Variants in DIAPH3 observed in about 807,000 individuals in gnomAD.
DIAPH3 encodes diaphanous related formin 3, also known as protein diaphanous homolog 3.
A neutral mutation model predicts 144.3 loss-of-function variants in DIAPH3; 117 were observed. The ratio of observed to expected loss-of-function variants is 0.81; its 90% CI spans 0.70 to 0.95. The LOEUF (loss-of-function observed/expected upper bound fraction) is 0.95, where lower values mean the gene tolerates loss of function less well. DIAPH3 is among the 40% of genes least tolerant of loss of function. DIAPH3 has a pLI of 0.00. For synonymous variants in DIAPH3, 519 were observed against 488.9 expected (o/e 1.06, Z -0.81); for missense variants, 1,421 against 1,412.7 (o/e 1.01, Z -0.09).
intron 17 of DIAPH3, among the ~76,000 whole-genome samples, chr13:59,939,835 C>CGT (rs3220859): frequency 0.16 from 23,901 of 146,594 alleles, 2,094 homozygotes; most frequent in Middle Eastern, 0.21. Flanking sequence ...GAGAATGAGG[C>CGT]GTGTGTGTGT....
At chr13:60,128,578 C>A (rs2059053304) in intron 2 of DIAPH3, among the ~76,000 whole-genome samples, 4 of 152,172 alleles carry the variant, frequency 2.6e-5, no homozygotes, top group Admixed American at 2.6e-4. Flanking sequence ...ATAACTAACA[C>A]AAAGTCACAC....
intron 27 of DIAPH3, among the ~76,000 whole-genome samples, chr13:59,712,429 C>A (rs2034800546): frequency 6.6e-6 from 1 of 152,196 alleles, no homozygotes; most frequent in South Asian, 2.1e-4. Flanking sequence ...CAATCACATA[C>A]CATGTTCTGT....
intron 5 of DIAPH3, among the ~76,000 whole-genome samples, chr13:60,038,745 C>T (rs956460165): frequency 4.6e-5 from 7 of 151,848 alleles, no homozygotes; most frequent in Non-Finnish European, 1.0e-4. Context: ...AATTTCAAAA[C>T]ACAAAAACCT....
intron 5 of DIAPH3, among the ~76,000 whole-genome samples, chr13:60,023,734 T>C (rs1395286119): frequency 2.0e-5 from 3 of 151,054 alleles, no homozygotes; most frequent in Admixed American, 2.0e-4. Flanking sequence ...GTGCCCAGCC[T>C]AGTTCTCAGG....
chr13:60,111,018 A>G (rs2138059590), intron 3 of DIAPH3, among the ~76,000 whole-genome samples: 1 of 152,322 alleles, frequency 6.6e-6, no homozygotes, highest in Admixed American at 6.5e-5. Flanking sequence ...ACTTACTCAG[A>G]TGGCACCCTC....
At chr13:59,921,599 C>T (rs2047522703) in intron 18 of DIAPH3, among the ~76,000 whole-genome samples, 5 of 151,738 alleles carry the variant, frequency 3.3e-5, no homozygotes, top group Admixed American at 3.3e-4. Flanking sequence ...AGTAGTTTCC[C>T]ACCAAAGAAA....
Position 59,774,721 on chromosome 13 carries a change from G to T in DIAPH3, c.3259+7C>A. Reference sequence around the variant, plus strand: ...AGAAAGTAACATGAAACAAGTATAGGGTTCACCTTTTGGCATCGGTGTCCT... The same window carrying T: ...AGAAAGTAACATGAAACAAGTATAGTGTTCACCTTTTGGCATCGGTGTCCT... On this transcript the variant is annotated splice_region_variant and intron_variant, in intron 26 of 27. Transcript: ENST00000400324. 1 of 1,613,000 alleles carries T rather than the reference G, an allele frequency of 6.2e-7. No homozygotes were observed. The highest frequency in any genetic ancestry group is 8.5e-7 in the Non-Finnish European group (1 of 1,178,986).
intron 1 of DIAPH3, among the ~76,000 whole-genome samples, chr13:60,156,283 A>T (rs1952018345): frequency 6.6e-6 from 1 of 152,234 alleles, no homozygotes; most frequent in Non-Finnish European, 1.5e-5. Context: ...CTCATTTTAA[A>T]ATCCTTAATC....
At chr13:59,997,700 GC>G (rs1292353497) in intron 9 of DIAPH3, among the ~76,000 whole-genome samples, 1 of 151,990 alleles carries the variant, frequency 6.6e-6, no homozygotes, top group Non-Finnish European at 1.5e-5. Context: ...TTTTCCAAAG[GC>G]CGACAGAGCA....
chr13:59,761,359 T>TCC (rs1566272744), intron 27 of DIAPH3, among the ~76,000 whole-genome samples: 1 of 151,874 alleles, frequency 6.6e-6, no homozygotes, highest in African/African-American at 2.4e-5. Flanking sequence ...TCTTGCTTAC[T>TCC]AAGGAGTCAG....
chr13:60,132,407 C>A (rs530331258), intron 2 of DIAPH3, among the ~76,000 whole-genome samples: 1 of 152,188 alleles, frequency 6.6e-6, no homozygotes, highest in East Asian at 1.9e-4. Context: ...CTATTAACCA[C>A]AAGTTACATT....
intron 27 of DIAPH3, among the ~76,000 whole-genome samples, chr13:59,705,477 A>C (rs1292495751): frequency 2.0e-5 from 3 of 152,246 alleles, no homozygotes; most frequent in Non-Finnish European, 4.4e-5. Flanking sequence ...AAACAGTCAG[A>C]AGCCCTTTGG....
At chr13:59,893,691 T>C (rs1249629885) in intron 20 of DIAPH3, among the ~76,000 whole-genome samples, 1 of 152,120 alleles carries the variant, frequency 6.6e-6, no homozygotes, top group African/African-American at 2.4e-5. Flanking sequence ...AAGCCCTCTA[T>C]GTTGCAGATT....
At chr13:60,113,892 A>G (rs1276565946) in intron 2 of DIAPH3, among the ~76,000 whole-genome samples, 1 of 151,928 alleles carries the variant, frequency 6.6e-6, no homozygotes, top group Non-Finnish European at 1.5e-5. Flanking sequence ...CCCACCTACC[A>G]ACTCTTTCCC....
At chr13:59,795,945 G>C (rs559626410) in intron 25 of DIAPH3, among the ~76,000 whole-genome samples, 55 of 152,294 alleles carry the variant, frequency 3.6e-4, no homozygotes, top group Admixed American at 5.9e-4. Context: ...GGGGGTAAGT[G>C]CATCAATAAG....
intron 25 of DIAPH3, among the ~76,000 whole-genome samples, chr13:59,789,705 G>T (rs946419717): frequency 2.6e-5 from 4 of 152,094 alleles, no homozygotes; most frequent in African/African-American, 7.2e-5. Flanking sequence ...GCAGCATATG[G>T]TGCGCACTGG....
intron 27 of DIAPH3, among the ~76,000 whole-genome samples, chr13:59,678,305 A>G (rs538673244): frequency 3.0e-4 from 46 of 152,098 alleles, no homozygotes; most frequent in Non-Finnish European, 5.1e-4. Flanking sequence ...AGTTTCATGT[A>G]TTTCTAGAAA....
intron 17 of DIAPH3, among the ~76,000 whole-genome samples, chr13:59,942,399 G>A (rs2048580614): frequency 6.6e-6 from 1 of 152,028 alleles, no homozygotes; most frequent in Non-Finnish European, 1.5e-5. Flanking sequence ...CTAAGGCAAA[G>A]TTGCCTTTTT....
In DIAPH3 at chr13:59,839,351, C is replaced by A. The variant is rs2042214000; in HGVS notation, c.2835G>T (p.Leu945Phe). Residue 945 changes from leucine (L) to phenylalanine (F), a missense_variant, in exon 23 of 28, where the codon TTG (leucine) becomes TTT (phenylalanine). Coordinates refer to ENST00000400324, the MANE Select transcript of DIAPH3 (RefSeq NM_001042517.2). ...ACATCTTTGTCACAAACTTGTCATG[C>A]AAGTCCTCAGGAGGGGGAAAGGTTT... ...ELETFPPPED[L>F]HDKFVTKMSR... 3 of 1,613,454 alleles carry A rather than the reference C, an allele frequency of 1.9e-6. No homozygotes were observed. The highest frequency in any genetic ancestry group is 4.5e-5 in the East Asian group (2 of 44,828).
Sources: gnomAD v4.1 joint callset for allele counts (sites outside exome capture counted in the v4.1 genomes callset) on GRCh38, gnomAD v4.1.1 for gene constraint, MANE v1.5 for transcripts, NCBI Gene and HGNC (gene_info 2026-07-23, HGNC 2026-07-21) for gene names.